The following PKHD1 variants were observed in gnomAD, a reference collection of about 807,000 sequenced individuals.
PKHD1 encodes the protein fibrocystin.
PKHD1 carries 291 observed loss-of-function variants against 412.0 expected under a neutral mutation model. The observed-to-expected ratio is 0.71, with a 90% CI of 0.64 to 0.78. PKHD1 has a LOEUF of 0.78. Among genes scored for constraint, PKHD1 ranks in the 30% least tolerant of loss-of-function variants. The pLI, the probability that PKHD1 is intolerant of heterozygous loss-of-function variation, is 0.00. For synonymous variants in PKHD1, 1,777 were observed against 1,821.5 expected, an observed-to-expected ratio of 0.98 and a Z score of 0.62; for missense variants, 4,825 against 4,950.7, an observed-to-expected ratio of 0.97 and a Z score of 0.76.
At chr6:52,071,765 A>G (rs1810644792) in intron 8 of PKHD1, among the ~76,000 whole-genome samples, 1 of 152,136 alleles carries the variant, frequency 6.6e-6, no homozygotes, top group South Asian at 2.1e-4. Flanking sequence ...TCTGTGTCTC[A>G]AATTCCTCAT....
At chr6:51,730,694 G>A (rs1783134805) in intron 60 of PKHD1, among the ~76,000 whole-genome samples, 4 of 152,248 alleles carry the variant, frequency 2.6e-5, no homozygotes, top group Admixed American at 1.3e-4. Flanking sequence ...ATAATATTGA[G>A]ATGAGAATTT....
intron 4 of PKHD1, 91 bp downstream of exon 4, chr6:52,082,301 G>T: frequency 1.5e-6 from 2 of 1,298,700 alleles, no homozygotes; most frequent in Non-Finnish European, 1.1e-6. Flanking sequence ...TTGAATCACA[G>T]CAAAAATTGC....
Position 51,906,277 on chromosome 6 carries a change from G to A in PKHD1, c.6746C>T (p.Thr2249Ile), listed in dbSNP as rs1782073306. ...ATTACTGTCCACCTTCAGGCCCAAG[G>A]TCCCGCACATGCTGAGGCCTCTACT... is the stretch of plus-strand genomic sequence containing the variant. ...SFSRGLSMCG[T>I]LGLKVDSNVF... The change falls in exon 41 of 67, where the codon ACC (threonine) becomes ATC (isoleucine). Residue 2249 changes from threonine (T) to isoleucine (I), a missense_variant. By Grantham distance (89) the Thr-to-Ile change is moderately conservative (BLOSUM62 -1). Coordinates refer to ENST00000371117, the MANE Select transcript of PKHD1 (RefSeq NM_138694.4). 1.9e-6 allele frequency: 3 copies of A among 1,609,290 alleles called. No individual in the cohort carries two copies. The highest frequency in any genetic ancestry group is 1.1e-5 in the South Asian group (1 of 91,000).
chr6:51,663,202 C>T (rs1773149797), intron 60 of PKHD1, among the ~76,000 whole-genome samples: 1 of 151,998 alleles, frequency 6.6e-6, no homozygotes, highest in South Asian at 2.1e-4. Context: ...ACAGAGGTTC[C>T]CCTTTTCTAA....
At position 51,638,960 on chromosome 6, in the gene PKHD1, C is replaced by T. The variant is rs748436132; in HGVS notation, c.11399-4G>A. 1.9e-6 allele frequency: 3 copies of T among 1,590,988 alleles called. No homozygotes were observed. The highest frequency in any genetic ancestry group is 2.6e-6 in the Non-Finnish European group (3 of 1,158,976). ...TGAGTTTCTGCCTGGGTGCACCCTA[C>T]AAAAAAGTACAAAACAAAAATTAGC... On this transcript the variant is annotated splice_polypyrimidine_tract_variant and splice_region_variant and intron_variant, in intron 63 of 66. Transcript: ENST00000371117.
Position 51,883,136 on chromosome 6 carries a change from G to A in PKHD1, c.7307C>T (p.Thr2436Ile), listed in dbSNP as rs147851214. 413 of 1,612,900 alleles carry A rather than the reference G, an allele frequency of 2.6e-4. 1 individual carries two copies. In the African/African-American group the frequency reaches 4.8e-3, roughly 19 times the overall value. ...GIDVLESDAN[T>I]SVTDSLLLGH... ...AAGTAATAAGCTGTCAGTAACTGAA[G>A]TATTTGCATCACTTTCCAAGACGTC... Residue 2436 changes from threonine to isoleucine, a missense_variant, in exon 46 of 67, where the codon ACT becomes ATT. By Grantham distance (89) the Thr-to-Ile change is moderately conservative (BLOSUM62 -1). Transcript: ENST00000371117.
At chr6:52,082,819 A>G (rs1290175569) in intron 3 of PKHD1, among the ~76,000 whole-genome samples, 1 of 152,178 alleles carries the variant, frequency 6.6e-6, no homozygotes, top group African/African-American at 2.4e-5. Context: ...ATGCTAAGCA[A>G]TGGTGCAGAA....
Position 51,649,227 on chromosome 6 carries a change from G to A in PKHD1, c.11175-7C>T. 6.2e-7 allele frequency: 1 copy of A among 1,605,044 alleles called. No individual in the cohort carries two copies. Among genetic ancestry groups the A allele is most frequent in the Non-Finnish European group, 8.5e-7 (1 of 1,172,282 alleles). On this transcript the variant is annotated splice_region_variant and splice_polypyrimidine_tract_variant and intron_variant, in intron 61 of 66. Transcript: ENST00000371117. ...TTTAAAACTGCTTGTATTTCTGACA[G>A]ATATAAAAACAAACAAAATACATCC...
Position 51,618,707 on chromosome 6 carries a change from A to G in PKHD1, c.*374T>C, listed in dbSNP as rs2784201. The stretch of plus-strand genomic sequence containing the variant: ...GACCTTTTCATGATCCCTTCTATAA[A>G]AGAAGCTCAAAGCATTGTGGGTGGT... On this transcript the variant is annotated 3_prime_UTR_variant, in exon 67 of 67. Transcript: ENST00000371117. 1 allele frequency: 338,036 copies of G among 339,468 alleles called. 168,312 individuals carry two copies. The highest frequency in any genetic ancestry group is 1 in the Middle Eastern group (952 of 952). 21.0% of individuals were successfully genotyped at this position (339,468 alleles called of 1,614,324 possible). A position where few individuals can be genotyped will look rare whatever the true frequency, so the allele number is the denominator to read the frequency against.
intron 25 of PKHD1, among the ~76,000 whole-genome samples, chr6:52,044,063 C>A (rs767528581): frequency 2.0e-5 from 3 of 152,128 alleles, no homozygotes; most frequent in Non-Finnish European, 4.4e-5. Context: ...CAACCAGGTA[C>A]CTACTTTATG....
intron 55 of PKHD1, 118 bp from the exon 56 acceptor site, chr6:51,755,056 A>T: frequency 1.1e-6 from 1 of 897,416 alleles, no homozygotes; most frequent in South Asian, 1.3e-5. Context: ...GAGAAACTGA[A>T]ATAGAAATAA....
chr6:51,824,493 G>T (rs1410329733), intron 52 of PKHD1, among the ~76,000 whole-genome samples: 3 of 152,060 alleles, frequency 2.0e-5, no homozygotes, highest in Admixed American at 2.0e-4. Flanking sequence ...GGTTCACTAA[G>T]GTCTATGATT....
At chr6:51,804,798 A>G (rs1736718503) in intron 52 of PKHD1, among the ~76,000 whole-genome samples, 2 of 152,132 alleles carry the variant, frequency 1.3e-5, no homozygotes, top group Admixed American at 1.3e-4. Flanking sequence ...AAGACTGAAA[A>G]GCGAGAAATG....
chr6:51,967,992 C>A (rs1562010776), intron 35 of PKHD1, among the ~76,000 whole-genome samples: 1 of 152,148 alleles, frequency 6.6e-6, no homozygotes, highest in African/African-American at 2.4e-5. Flanking sequence ...GACAGCTCCG[C>A]AGTTTCATAC....
At chr6:51,708,021 A>G (rs1780214478) in intron 60 of PKHD1, among the ~76,000 whole-genome samples, 1 of 152,162 alleles carries the variant, frequency 6.6e-6, no homozygotes, top group African/African-American at 2.4e-5. Flanking sequence ...GTGATCCTCA[A>G]ATCTTTGACC....
At chr6:51,681,621 C>G (rs537437006) in intron 60 of PKHD1, among the ~76,000 whole-genome samples, 1 of 152,028 alleles carries the variant, frequency 6.6e-6, no homozygotes, top group South Asian at 2.1e-4. Context: ...TTATTGGTAT[C>G]TTAATGACTA....
intron 49 of PKHD1, among the ~76,000 whole-genome samples, chr6:51,854,022 T>C (rs1415835624): frequency 3.3e-5 from 5 of 152,142 alleles, no homozygotes; most frequent in Non-Finnish European, 7.4e-5. Context: ...GTTTTCAGCA[T>C]TTTCTCGTTG....
intron 47 of PKHD1, among the ~76,000 whole-genome samples, chr6:51,869,979 C>G (rs938215777): frequency 6.6e-6 from 1 of 152,258 alleles, no homozygotes; most frequent in South Asian, 2.1e-4. Flanking sequence ...TTATTTCTTA[C>G]CACCTCTGAG....
At chr6:51,961,204 GA>G (rs1205134052) in intron 35 of PKHD1, among the ~76,000 whole-genome samples, 1 of 152,086 alleles carries the variant, frequency 6.6e-6, no homozygotes, top group Non-Finnish European at 1.5e-5. Context: ...CCTACACAGA[GA>G]ATAGTGCTCT....
Sources: allele counts gnomAD v4.1 joint callset (sites outside exome capture counted in the v4.1 genomes callset), GRCh38; gene constraint gnomAD v4.1.1; transcripts MANE v1.5; gene names NCBI Gene and HGNC (gene_info 2026-07-23, HGNC 2026-07-21).